PALLD: variants seen among roughly 807,000 people sequenced by gnomAD.
PALLD encodes palladin, cytoskeletal associated protein.
PALLD carries 61 observed loss-of-function variants against 123.5 expected under a neutral mutation model. The ratio of observed to expected loss-of-function variants is 0.49; its 90% CI spans 0.40 to 0.61. The LOEUF (loss-of-function observed/expected upper bound fraction) is 0.61, where lower values mean the gene tolerates loss of function less well. Ranked by LOEUF, PALLD falls within the 20% of genes least tolerant of loss-of-function variation. The pLI is 0.00. For missense variants in PALLD, 1,273 were observed against 1,377.0 expected, an observed-to-expected ratio of 0.92 and a Z score of 1.20; for synonymous variants, 465 against 496.4, an observed-to-expected ratio of 0.94 and a Z score of 0.84.
intron 11 of PALLD, 48 bp from the exon 12 acceptor site, chr4:168,894,531 T>C: frequency 8.4e-7 from 1 of 1,194,244 alleles, no homozygotes; most frequent in Non-Finnish European, 1.2e-6. Flanking sequence ...CAGTACATAT[T>C]TGTGATTTTT....
At chr4:168,719,260 T>C (rs966187807) in intron 10 of PALLD, among the ~76,000 whole-genome samples, 9 of 144,232 alleles carry the variant, frequency 6.2e-5, no homozygotes, top group African/African-American at 1.5e-4. Context: ...TTCTTTTTTT[T>C]TTTTTTTTTT....
chr4:168,497,779 C>T (rs970830966), intron 1 of PALLD, among the ~76,000 whole-genome samples: 1 of 152,134 alleles, frequency 6.6e-6, no homozygotes, highest in African/African-American at 2.4e-5. Context: ...ATAACGCTTA[C>T]TAAGGGAAAC....
Position 168,796,906 on chromosome 4 carries a change from G to C in PALLD, c.1964+84983G>C, listed in dbSNP as rs551657713. 2.3e-4 allele frequency among the ~76,000 whole-genome samples: 35 copies of C among 152,250 alleles called. 2 individuals are homozygous for C. The highest frequency in any genetic ancestry group is 5.9e-4 in the Admixed American group (9 of 15,300). On this transcript the variant is annotated intron_variant, in intron 10 of 21. Coordinates refer to ENST00000505667, the MANE Select transcript of PALLD (RefSeq NM_001166108.2). ...AGCTAGAAGGAGCAAAGTACATTTT[G>C]TTCTGCCTGAACTGTCTCTAGTGAA... is the stretch of plus-strand genomic sequence containing the variant.
intron 10 of PALLD, among the ~76,000 whole-genome samples, chr4:168,825,708 C>A (rs1392225791): frequency 1.3e-5 from 2 of 151,344 alleles, no homozygotes; most frequent in African/African-American, 2.4e-5. Flanking sequence ...ACACCCTAAG[C>A]AGCTCCATTG....
intron 2 of PALLD, among the ~76,000 whole-genome samples, chr4:168,661,419 A>AATCG (rs1304792543): frequency 5.9e-5 from 9 of 152,220 alleles, no homozygotes; most frequent in African/African-American, 2.2e-4. Context: ...ATGAATGAAT[A>AATCG]ATTGATTGAT....
At chr4:168,653,656 T>C (rs1483429391) in intron 2 of PALLD, among the ~76,000 whole-genome samples, 2 of 152,226 alleles carry the variant, frequency 1.3e-5, no homozygotes, top group Non-Finnish European at 2.9e-5. Context: ...TGCTGTTCTT[T>C]TCCTTCACAG....
At chr4:168,913,083 C>CTCATTTTA (rs1387712320) in intron 15 of PALLD, among the ~76,000 whole-genome samples, 1 of 151,780 alleles carries the variant, frequency 6.6e-6, no homozygotes, top group Non-Finnish European at 1.5e-5. Flanking sequence ...TTACATAACA[C>CTCATTTTA]TCATTTTATC....
intron 10 of PALLD, among the ~76,000 whole-genome samples, chr4:168,713,748 TATATATAA>T (rs1269367735): frequency 7.3e-5 from 11 of 150,456 alleles, no homozygotes; most frequent in African/African-American, 2.2e-4. Context: ...AAAATATGAA[TATATATAA>T]ATATATAAAT....
intron 10 of PALLD, among the ~76,000 whole-genome samples, chr4:168,785,493 A>G (rs1736584233): frequency 6.6e-6 from 1 of 152,122 alleles, no homozygotes; most frequent in Admixed American, 6.6e-5. Context: ...AACCAAAACA[A>G]TGCACTCGGA....
chr4:168,566,669 A>G (rs955312011), intron 2 of PALLD, among the ~76,000 whole-genome samples: 3 of 152,084 alleles, frequency 2.0e-5, no homozygotes, highest in African/African-American at 7.2e-5. Flanking sequence ...AGATACAAAC[A>G]TGTTCTGTTC....
chr4:168,517,293 TA>T (rs754763358), intron 2 of PALLD, among the ~76,000 whole-genome samples: 1 of 152,174 alleles, frequency 6.6e-6, no homozygotes, highest in African/African-American at 2.4e-5. Flanking sequence ...AAAAAACTTT[TA>T]AACACCCACT....
chr4:168,851,390 C>T (rs920375938), intron 10 of PALLD, among the ~76,000 whole-genome samples: 2 of 152,140 alleles, frequency 1.3e-5, no homozygotes, highest in East Asian at 1.9e-4. Context: ...GTTTTTGAGA[C>T]GGAGTCTGGC....
chr4:168,808,121 A>C (rs1448555651), intron 10 of PALLD, among the ~76,000 whole-genome samples: 2 of 152,030 alleles, frequency 1.3e-5, no homozygotes, highest in Admixed American at 6.6e-5. Flanking sequence ...TAAGCCCATG[A>C]AAATATAAGA....
intron 10 of PALLD, among the ~76,000 whole-genome samples, chr4:168,887,114 C>G (rs1449594645): frequency 3.6e-5 from 2 of 55,274 alleles, no homozygotes; most frequent in Non-Finnish European, 8.2e-5. Flanking sequence ...GAGACTCTGT[C>G]TCAAAAAAAA....
chr4:168,615,330 C>T (rs890328425), intron 2 of PALLD, among the ~76,000 whole-genome samples: 2 of 152,088 alleles, frequency 1.3e-5, no homozygotes, highest in African/African-American at 4.8e-5. Flanking sequence ...ACAAAGGGCT[C>T]GGGTATCAGG....
intron 10 of PALLD, among the ~76,000 whole-genome samples, chr4:168,850,363 A>G (rs1747560522): frequency 1.3e-5 from 2 of 152,062 alleles, no homozygotes; most frequent in Admixed American, 6.5e-5. Flanking sequence ...TTAATATGGT[A>G]TGTCCAGGCC....
intron 10 of PALLD, among the ~76,000 whole-genome samples, chr4:168,870,921 T>C (rs1027175272): frequency 4.6e-5 from 7 of 152,326 alleles, no homozygotes; most frequent in Admixed American, 2.0e-4. Flanking sequence ...TAGAGCTTGA[T>C]GGAACAGGGA....
chr4:168,502,452 G>T (rs1761516661), intron 1 of PALLD, among the ~76,000 whole-genome samples: 1 of 152,114 alleles, frequency 6.6e-6, no homozygotes, highest in Admixed American at 6.5e-5. Flanking sequence ...AAATGAGCAG[G>T]TAAAGTGTAT....
chr4:168,677,947 C>T (rs765889509), intron 3 of PALLD: 1 of 153,234 alleles, frequency 6.5e-6, no homozygotes, highest in African/African-American at 2.4e-5. Flanking sequence ...GTTACTGCCC[C>T]CAGCCTGCTG....
Sources: allele counts gnomAD v4.1 joint callset (sites outside exome capture counted in the v4.1 genomes callset), GRCh38; gene constraint gnomAD v4.1.1; transcripts MANE v1.5; gene names NCBI Gene and HGNC (gene_info 2026-07-23, HGNC 2026-07-21).